TRERF1: variants seen among roughly 807,000 people sequenced by gnomAD.
TRERF1 encodes transcriptional regulating factor 1, also known as transcriptional-regulating factor 1.
A neutral mutation model predicts 122.9 loss-of-function variants in TRERF1; 27 were observed. That is an observed-to-expected ratio of 0.22 (90% confidence interval 0.16 to 0.30). The LOEUF is 0.30. TRERF1 is among the 10% of genes least tolerant of loss of function. The probability of loss-of-function intolerance (pLI) is 1.00; values close to 1 mark genes in which losing one functional copy is unlikely to be tolerated. For missense variants in TRERF1, 1,248 were observed against 1,560.3 expected, an observed-to-expected ratio of 0.80 and a Z score of 3.37; for synonymous variants, 636 against 641.7, an observed-to-expected ratio of 0.99 and a Z score of 0.13.
intron 2 of TRERF1, among the ~76,000 whole-genome samples, chr6:42,429,040 C>T (rs1310276459): frequency 6.6e-6 from 1 of 152,130 alleles, no homozygotes; most frequent in Admixed American, 6.5e-5. Flanking sequence ...GCCCTTCAAC[C>T]CCATCTGTGC....
chr6:42,348,472 C>G (rs1337949067), intron 3 of TRERF1, among the ~76,000 whole-genome samples: 1 of 152,034 alleles, frequency 6.6e-6, no homozygotes, highest in Non-Finnish European at 1.5e-5. Context: ...AGGCTGGTCC[C>G]GAACTCCTGA....
At chr6:42,312,528 C>G (rs1761845386) in intron 3 of TRERF1, among the ~76,000 whole-genome samples, 1 of 152,220 alleles carries the variant, frequency 6.6e-6, no homozygotes, top group South Asian at 2.1e-4. Context: ...CGGCATTCCC[C>G]TCTGTAAAAT....
At chr6:42,329,198 A>G (rs918120653) in intron 3 of TRERF1, among the ~76,000 whole-genome samples, 6 of 151,976 alleles carry the variant, frequency 3.9e-5, no homozygotes, top group African/African-American at 1.4e-4. Flanking sequence ...GTCAGAACGG[A>G]CTTGGACAGG....
Position 42,286,594 on chromosome 6 carries a change from A to G in TRERF1, c.-259+14044T>C, listed in dbSNP as rs1243266267. ...ATGCAAATCAAAACCACAATGAGAT[A>G]CCATCTCACACCAGTTAGAATGGCA... On this transcript the variant is annotated intron_variant, in intron 4 of 17. Coordinates refer to ENST00000372922, the Ensembl canonical transcript of TRERF1. Among the ~76,000 whole-genome samples the G allele has an allele frequency of 6.2e-4, 83 of 134,724 alleles. No homozygotes were observed. The East Asian group carries it at 0.01, about 17-fold the overall frequency. 88.4% of individuals were successfully genotyped at this position (134,724 alleles called of 152,430 possible).
chr6:42,311,456 C>T (rs561965275), intron 3 of TRERF1, among the ~76,000 whole-genome samples: 1 of 152,068 alleles, frequency 6.6e-6, no homozygotes, highest in East Asian at 1.9e-4. Flanking sequence ...GGCAGGAGGC[C>T]AGGCTGTAGG....
At position 42,268,705 on chromosome 6, in the gene TRERF1, G is replaced by A. The variant is rs759718746; in HGVS notation, c.886C>T (p.Arg296Cys). 1.4e-5 allele frequency: 22 copies of A among 1,614,052 alleles called. No individual in the cohort carries two copies. In the East Asian group the frequency reaches 2.0e-4, roughly 15 times the overall value. The change falls in exon 5 of 18, where the codon CGC (arginine) becomes TGC (cysteine). Residue 296 changes from arginine (R) to cysteine (C), a missense_variant. Arg to Cys is a radical substitution (Grantham distance 180, BLOSUM62 -3). This residue lies in a region of TRERF1 where 946 missense variants were observed against 1,073.0 expected (regional missense o/e 0.88). Coordinates refer to ENST00000372922, the Ensembl canonical transcript of TRERF1. This position sits in a 1 kb window ranked among gnomAD's most constrained non-coding sequence, Gnocchi z 4.4. ...GGCGGCGGCTGTGGCTGTGATGGGCGAATTTGTTGCGGCTGCGTCTGTATT... is the reference window on the plus strand; with the variant it reads ...GGCGGCGGCTGTGGCTGTGATGGGCAAATTTGTTGCGGCTGCGTCTGTATT...
intron 2 of TRERF1, among the ~76,000 whole-genome samples, chr6:42,385,182 G>T (rs1776590957): frequency 6.6e-6 from 1 of 152,006 alleles, no homozygotes; most frequent in South Asian, 2.1e-4. Flanking sequence ...TTGCCATGTT[G>T]TCCAGGCTGG....
Position 42,268,696 on chromosome 6 carries a change from G to C in TRERF1, c.895C>G (p.Gln299Glu), listed in dbSNP as rs761001352. The C allele has an allele frequency of 2.2e-5, 35 of 1,614,210 alleles. No homozygotes were observed. Among genetic ancestry groups the C allele is most frequent in the Non-Finnish European group, 3.0e-5 (35 of 1,180,038 alleles). ...TGCTGCTGTGGCGGCGGCTGTGGCT[G>C]TGATGGGCGAATTTGTTGCGGCTGC... Residue 299 changes from glutamine (Q) to glutamate (E), a missense_variant, in exon 5 of 18, where the codon CAG becomes GAG. This residue lies in a region of TRERF1 where 946 missense variants were observed against 1,073.0 expected (regional missense o/e 0.88). Coordinates refer to ENST00000372922, the Ensembl canonical transcript of TRERF1. This position sits in a 1 kb window ranked among gnomAD's most constrained non-coding sequence, Gnocchi z 4.4.
intron 2 of TRERF1, among the ~76,000 whole-genome samples, chr6:42,446,410 C>A (rs1562227956): frequency 1.3e-5 from 2 of 152,218 alleles, no homozygotes; most frequent in Admixed American, 6.5e-5. Context: ...CTCCCCCAAC[C>A]CCCAAACCTC....
intron 2 of TRERF1, among the ~76,000 whole-genome samples, chr6:42,382,365 T>C (rs80225239): frequency 6.3e-4 from 95 of 150,632 alleles, no homozygotes; most frequent in Middle Eastern, 6.8e-3. Flanking sequence ...GTCTAGAGTA[T>C]CCTTAAGAGA....
At chr6:42,262,466 G>GAGAGAGAGAGAGA (rs747014228) in intron 8 of TRERF1, among the ~76,000 whole-genome samples, 1 of 6,408 alleles carries the variant, frequency 1.6e-4, no homozygotes, top group African/African-American at 8.3e-4. Context: ...GAGAGAGAGA[G>GAGAGAGAGAGAGA]GAGAGAGAGA....
rs182267091 is a variant in TRERF1 at position 42,393,985 on chromosome 6, G to A, written c.-453-30906C>T. Among the ~76,000 whole-genome samples the A allele has an allele frequency of 0.011, 1,633 of 151,480 alleles. 15 individuals are homozygous for A. The highest frequency in any genetic ancestry group is 0.019 in the Admixed American group (285 of 15,208). ...CACACTGGTTTCTTCCAGAAAGATGGATGTTTTTATTTTCTTCTCTATGAT... is the reference window on the plus strand; with the variant it reads ...CACACTGGTTTCTTCCAGAAAGATGAATGTTTTTATTTTCTTCTCTATGAT... On this transcript the variant is annotated intron_variant, in intron 2 of 17. Coordinates refer to ENST00000372922, the Ensembl canonical transcript of TRERF1. The surrounding 1 kb of genome is among the most constrained non-coding windows in gnomAD (Gnocchi z 4.1).
intron 2 of TRERF1, among the ~76,000 whole-genome samples, chr6:42,432,226 A>G (rs1175088146): frequency 6.6e-6 from 1 of 152,222 alleles, no homozygotes; most frequent in Non-Finnish European, 1.5e-5. Flanking sequence ...CATTATATGA[A>G]TATTTCTCAA....
intron 4 of TRERF1, among the ~76,000 whole-genome samples, chr6:42,294,470 G>A (rs893868542): frequency 2.0e-5 from 3 of 152,062 alleles, no homozygotes; most frequent in South Asian, 2.1e-4. Context: ...ATGAGCCACC[G>A]CGCCCGGCCT....
chr6:42,283,427 T>C (rs560143292), intron 4 of TRERF1, among the ~76,000 whole-genome samples: 1 of 152,014 alleles, frequency 6.6e-6, no homozygotes, highest in African/African-American at 2.4e-5. Context: ...ATAAAGAAAA[T>C]CTGGAAGGAT....
chr6:42,273,017 T>C (rs1413958042), intron 4 of TRERF1, among the ~76,000 whole-genome samples: 1 of 152,114 alleles, frequency 6.6e-6, no homozygotes, highest in Non-Finnish European at 1.5e-5. Flanking sequence ...AGGGCCTTTG[T>C]ACATGATGCC....
chr6:42,341,952 T>A (rs1330168640), intron 3 of TRERF1, among the ~76,000 whole-genome samples: 2 of 152,242 alleles, frequency 1.3e-5, no homozygotes, highest in Non-Finnish European at 2.9e-5. Flanking sequence ...AGTAGAGCCA[T>A]CTGCTCGGCT....
At chr6:42,377,854 G>A (rs752039495) in intron 2 of TRERF1, among the ~76,000 whole-genome samples, 2 of 152,208 alleles carry the variant, frequency 1.3e-5, no homozygotes, top group African/African-American at 4.8e-5. Flanking sequence ...GGTAACCTAA[G>A]ATGGAAGTGG....
intron 4 of TRERF1, among the ~76,000 whole-genome samples, chr6:42,290,642 A>T (rs1269261466): frequency 6.6e-6 from 1 of 151,792 alleles, no homozygotes; most frequent in African/African-American, 2.4e-5. Flanking sequence ...TTTTTTAATT[A>T]AAAAAAAGTT....
Sources: allele counts gnomAD v4.1 joint callset (sites outside exome capture counted in the v4.1 genomes callset), GRCh38; gene constraint gnomAD v4.1.1; regional missense constraint gnomAD v4.1.1; non-coding constraint Gnocchi (gnomAD v3.1); transcripts MANE v1.5; gene names NCBI Gene and HGNC (gene_info 2026-07-23, HGNC 2026-07-21).